The following PRKCZ variants were observed in gnomAD, a reference collection of about 807,000 sequenced individuals.
The protein encoded by PRKCZ is protein kinase C zeta.
In PRKCZ, 33 loss-of-function variants were observed where a neutral mutation model predicts 79.5. That is an observed-to-expected ratio of 0.41 (90% CI 0.31 to 0.55). The LOEUF (loss-of-function observed/expected upper bound fraction) is 0.55. Among genes scored for constraint, PRKCZ ranks in the 20% least tolerant of loss-of-function variants. The pLI is 0.19. For missense variants in PRKCZ, 578 were observed against 813.5 expected (o/e 0.71, Z 3.52); for synonymous variants, 342 against 320.9 (o/e 1.07, Z -0.70).
chr1:2,101,527 A>G (rs1314960381), intron 4 of PRKCZ, among the ~76,000 whole-genome samples: 1 of 152,098 alleles, frequency 6.6e-6, no homozygotes, highest in Non-Finnish European at 1.5e-5. Context: ...TCGTTCATTC[A>G]TTCATTCATT....
chr1:2,157,448 C>T (rs556285686), intron 10 of PRKCZ, among the ~76,000 whole-genome samples: 4 of 152,044 alleles, frequency 2.6e-5, no homozygotes, highest in South Asian at 4.2e-4. Flanking sequence ...GATGGAGTCT[C>T]GCTCTATCAC....
chr1:2,071,527 A>G (rs1661589252), intron 4 of PRKCZ: 1 of 165,188 alleles, frequency 6.1e-6, no homozygotes, highest in African/African-American at 2.4e-5. Flanking sequence ...TAAAAAATCC[A>G]GTTTCATTCA....
At position 2,174,863 on chromosome 1, in the gene PRKCZ, C is replaced by T. The variant is rs117049717; in HGVS notation, c.1485+30C>T. The T allele has an allele frequency of 2.6e-4, 413 of 1,603,300 alleles. 2 individuals are homozygous for T. The East Asian group carries it at 5.0e-3, about 19-fold the overall frequency. The stretch of plus-strand genomic sequence containing the variant: ...GTTTCTGGCCATGCTGACAAAATCT[C>T]GTTTGTGGCCTCGGTGTTGGTGGGC... On this transcript the variant is annotated intron_variant, in intron 15 of 17. Transcript: ENST00000378567. This position sits in a 1 kb window ranked among gnomAD's most constrained non-coding sequence, Gnocchi z 6.2.
chr1:2,090,010 C>T (rs904821498), intron 4 of PRKCZ, among the ~76,000 whole-genome samples: 5 of 152,216 alleles, frequency 3.3e-5, no homozygotes, highest in African/African-American at 1.2e-4. Context: ...AGGCCTGTCC[C>T]CTTGGCTGGT....
Position 2,172,139 on chromosome 1 carries a change from C to T in PRKCZ, c.1146C>T (p.Val382=), listed in dbSNP as rs1436310086. The T allele has an allele frequency of 2.5e-6, 4 of 1,613,362 alleles. No homozygotes were observed. Among genetic ancestry groups the T allele is most frequent in the East Asian group, 2.2e-5 (1 of 44,888 alleles). Residue 382 remains valine (V), a synonymous_variant, in exon 12 of 18, where the codon GTC becomes GTT. Coordinates refer to ENST00000378567, the MANE Select transcript of PRKCZ (RefSeq NM_002744.6). This position sits in a 1 kb window ranked among gnomAD's most constrained non-coding sequence, Gnocchi z 7.8. ...IIYRDLKLDN[V]LLDADGHIKL... ...ACAGGGACCTGAAGCTGGACAACGT[C>T]CTCCTGGATGCGGACGGGCACATCA... is the stretch of plus-strand genomic sequence containing the variant.
At chr1:2,058,580 A>G (rs1014914468) in intron 3 of PRKCZ, among the ~76,000 whole-genome samples, 4 of 152,098 alleles carry the variant, frequency 2.6e-5, no homozygotes, top group Non-Finnish European at 5.9e-5. Flanking sequence ...GTGGCTTAAA[A>G]ATTCACATTG....
intron 4 of PRKCZ, among the ~76,000 whole-genome samples, chr1:2,081,033 G>A (rs571403747): frequency 2.6e-4 from 40 of 152,282 alleles, no homozygotes; most frequent in South Asian, 6.2e-4. Flanking sequence ...TCACCTGGCC[G>A]CGGTGTGTTT....
At chr1:2,146,455 C>G (rs1678546341) in intron 7 of PRKCZ, among the ~76,000 whole-genome samples, 1 of 152,262 alleles carries the variant, frequency 6.6e-6, no homozygotes, top group African/African-American at 2.4e-5. Context: ...CGGGCACCTC[C>G]CACAATCTGG....
chr1:2,090,699 C>T (rs1159761179), intron 4 of PRKCZ, among the ~76,000 whole-genome samples: 1 of 152,208 alleles, frequency 6.6e-6, no homozygotes, highest in African/African-American at 2.4e-5. Flanking sequence ...GCTCATGGCA[C>T]CTGGCGTGGG....
chr1:2,182,991 C>T (rs994924939), intron 16 of PRKCZ, among the ~76,000 whole-genome samples: 2 of 152,032 alleles, frequency 1.3e-5, no homozygotes, highest in East Asian at 1.9e-4. Context: ...TTTGGGAGGC[C>T]GAGGAGGGCA....
chr1:2,115,366 C>G (rs1670551954), intron 4 of PRKCZ, among the ~76,000 whole-genome samples: 1 of 152,244 alleles, frequency 6.6e-6, no homozygotes, highest in South Asian at 2.1e-4. Context: ...TTCATGTGGG[C>G]ACACCCAGGA....
chr1:2,069,393 T>G (rs1024222522), intron 4 of PRKCZ, among the ~76,000 whole-genome samples: 1 of 151,684 alleles, frequency 6.6e-6, no homozygotes, highest in African/African-American at 2.4e-5. Context: ...GGAAAGGGAG[T>G]GGGTGTCCAG....
chr1:2,128,579 G>C lies in PRKCZ; in HGVS notation c.335-6683G>C, dbSNP rs1306488636. Reference sequence around the variant, plus strand: ...CACAGAGCTCCTTGAGGTTGTCGGAGTTAAGGCTGAAAGAGGAGGAGCGGC... The same window carrying C: ...CACAGAGCTCCTTGAGGTTGTCGGACTTAAGGCTGAAAGAGGAGGAGCGGC... On this transcript the variant is annotated intron_variant, in intron 4 of 17. Transcript: ENST00000378567. The surrounding 1 kb of genome is among the most constrained non-coding windows in gnomAD (Gnocchi z 6.5). 1.3e-5 allele frequency among the ~76,000 whole-genome samples: 2 copies of C among 152,254 alleles called. No homozygotes were observed. The highest frequency in any genetic ancestry group is 2.9e-5 in the Non-Finnish European group (2 of 68,046).
intron 4 of PRKCZ, among the ~76,000 whole-genome samples, chr1:2,079,134 G>A (rs1309000286): frequency 6.6e-5 from 10 of 152,188 alleles, no homozygotes; most frequent in Non-Finnish European, 1.3e-4. Context: ...GAGCCACTGC[G>A]CCCGGCCTGA....
intron 4 of PRKCZ, among the ~76,000 whole-genome samples, chr1:2,099,884 A>C (rs1454483190): frequency 6.6e-6 from 1 of 152,184 alleles, no homozygotes; most frequent in East Asian, 1.9e-4. Context: ...CGTTTTTTAA[A>C]TCGGTGAAAG....
chr1:2,134,464 C>G (rs1009271243), intron 4 of PRKCZ, among the ~76,000 whole-genome samples: 4 of 152,132 alleles, frequency 2.6e-5, no homozygotes, highest in Admixed American at 2.6e-4. Flanking sequence ...ACATCCGTTT[C>G]AAAGAGTTTT....
intron 4 of PRKCZ, among the ~76,000 whole-genome samples, chr1:2,124,372 G>GGTAGTTA: frequency 1.2e-5 from 1 of 84,720 alleles, no homozygotes; most frequent in African/African-American, 4.1e-5. Flanking sequence ...GGGTCACGGC[G>GGTAGTTA]GCGGTTAGGG....
chr1:2,087,804 T>G (rs533113271), intron 4 of PRKCZ, among the ~76,000 whole-genome samples: 1 of 152,296 alleles, frequency 6.6e-6, no homozygotes, highest in East Asian at 1.9e-4. Context: ...AATGCCCGAC[T>G]CTGGAAAGGA....
rs1667956794 is a variant in PRKCZ, at chr1:2,104,105, T to C, written c.335-31157T>C. On this transcript the variant is annotated intron_variant, in intron 4 of 17. Coordinates refer to ENST00000378567, the MANE Select transcript of PRKCZ (RefSeq NM_002744.6). The stretch of plus-strand genomic sequence containing the variant: ...TCTTCCAGGATGGTCCAGAAAGGTC[T>C]TGAGCGCGCCTGTAAGGAGACTGTC... Among the ~76,000 whole-genome samples, 3 of 152,038 alleles carry C rather than the reference T, an allele frequency of 2.0e-5. No homozygotes were observed. In the South Asian group the frequency reaches 6.3e-4, roughly 32 times the overall value.
Sources: allele counts gnomAD v4.1 joint callset (sites outside exome capture counted in the v4.1 genomes callset), GRCh38; gene constraint gnomAD v4.1.1; non-coding constraint Gnocchi (gnomAD v3.1); transcripts MANE v1.5; gene names NCBI Gene and HGNC (gene_info 2026-07-23, HGNC 2026-07-21).